Variants in CCNY observed in about 807,000 individuals in gnomAD.
The protein encoded by CCNY is cyclin-Y.
A neutral mutation model predicts 42.8 loss-of-function variants in CCNY; 19 were observed. The observed-to-expected ratio is 0.44, with a 90% CI of 0.31 to 0.65. The LOEUF (loss-of-function observed/expected upper bound fraction) is 0.65. CCNY is among the 30% of genes least tolerant of loss of function. The pLI is 0.07. For missense variants in CCNY, 370 were observed against 437.3 expected (o/e 0.85, Z 1.37); for synonymous variants, 165 against 162.7 (o/e 1.01, Z -0.11).
chr10:35,334,360 A>C (rs1055194579), upstream of CCNY, among the ~76,000 whole-genome samples: 3 of 152,228 alleles, frequency 2.0e-5, no homozygotes, highest in African/African-American at 7.2e-5. Context: ...TGACTTTCAT[A>C]TGTGGCCCAA....
chr10:35,469,244 T>C (rs143342931), intron 1 of CCNY, among the ~76,000 whole-genome samples: 211 of 152,366 alleles, frequency 1.4e-3, no homozygotes, highest in Non-Finnish European at 2.0e-3. Context: ...GCCACACTTA[T>C]AGGCATTTAA....
intron 1 of CCNY, among the ~76,000 whole-genome samples, chr10:35,481,195 A>G (rs965519523): frequency 6.6e-6 from 1 of 152,188 alleles, no homozygotes; most frequent in Non-Finnish European, 1.5e-5. Context: ...AGATGGTATG[A>G]TAGCATTTCA....
chr10:35,432,561 T>C (rs1838436284), intron 1 of CCNY, among the ~76,000 whole-genome samples: 1 of 152,230 alleles, frequency 6.6e-6, no homozygotes, highest in South Asian at 2.1e-4. Flanking sequence ...TTTTGTAATA[T>C]TTAAGTACTT....
intron 3 of CCNY, 164 bp downstream of exon 3, chr10:35,501,699 C>T: frequency 1.6e-6 from 1 of 634,334 alleles, no homozygotes; most frequent in Non-Finnish European, 2.8e-6. Context: ...ACAAGCATCA[C>T]TCAGTATTTG....
At chr10:35,463,429 A>G (rs946697230) in intron 1 of CCNY, among the ~76,000 whole-genome samples, 1 of 152,234 alleles carries the variant, frequency 6.6e-6, no homozygotes, top group African/African-American at 2.4e-5. Context: ...GTATATGCAT[A>G]TATGTATATA....
chr10:35,279,165 G>A (rs536991600), intron 3 of CCNY, among the ~76,000 whole-genome samples: 1 of 148,272 alleles, frequency 6.7e-6, no homozygotes, highest in South Asian at 2.1e-4. Context: ...ACCCAGGCTG[G>A]AGTGCAGTGG....
intron 1 of CCNY, among the ~76,000 whole-genome samples, chr10:35,366,696 T>G (rs1158078404): frequency 1.3e-5 from 2 of 152,222 alleles, no homozygotes; most frequent in Admixed American, 1.3e-4. Context: ...ACTCTTTTTG[T>G]TCTACAGCAG....
chr10:35,462,311 G>A (rs906526944), intron 1 of CCNY, among the ~76,000 whole-genome samples: 1 of 152,212 alleles, frequency 6.6e-6, no homozygotes, highest in African/African-American at 2.4e-5. Context: ...ACCAGTGGCA[G>A]AAGGACCCCG....
At chr10:35,450,635 C>CT (rs1430534777) in intron 1 of CCNY, among the ~76,000 whole-genome samples, 3 of 151,458 alleles carry the variant, frequency 2.0e-5, no homozygotes, top group African/African-American at 7.3e-5. Context: ...GGAGCTACAT[C>CT]TTTATTTCTG....
chr10:35,440,662 T>G (rs1838646685), intron 1 of CCNY, among the ~76,000 whole-genome samples: 1 of 152,126 alleles, frequency 6.6e-6, no homozygotes, highest in South Asian at 2.1e-4. Flanking sequence ...TGATCACCTG[T>G]GGGAGAGAAC....
At chr10:35,354,184 C>CT (rs549476804) in intron 1 of CCNY, among the ~76,000 whole-genome samples, 2,344 of 131,464 alleles carry the variant, frequency 0.018, 37 homozygotes, top group African/African-American at 0.041. Context: ...CATACATAGT[C>CT]TTTTTTTTTT....
intron 3 of CCNY, among the ~76,000 whole-genome samples, chr10:35,257,791 G>T (rs2095716696): frequency 1.3e-5 from 2 of 152,070 alleles, no homozygotes; most frequent in Admixed American, 1.3e-4. Context: ...TCAAGTTTGG[G>T]ATGTTTTCAG....
At chr10:35,541,001 T>C (rs1840988779) in intron 7 of CCNY, among the ~76,000 whole-genome samples, 1 of 152,194 alleles carries the variant, frequency 6.6e-6, no homozygotes, top group South Asian at 2.1e-4. Context: ...TTTTAGTATT[T>C]CTATTTCATT....
chr10:35,403,418 G>T (rs543370442), intron 1 of CCNY, among the ~76,000 whole-genome samples: 2 of 152,246 alleles, frequency 1.3e-5, no homozygotes, highest in African/African-American at 4.8e-5. Flanking sequence ...GGAAGTGATC[G>T]ATGAGAAGGA....
At chr10:35,382,007 A>G (rs1157974735) in intron 1 of CCNY, among the ~76,000 whole-genome samples, 1 of 152,238 alleles carries the variant, frequency 6.6e-6, no homozygotes, top group African/African-American at 2.4e-5. Context: ...AATAATAGTT[A>G]CTGATTTTTA....
At chr10:35,312,438 T>C (rs1400060818) in intron 3 of CCNY, among the ~76,000 whole-genome samples, 2 of 150,404 alleles carry the variant, frequency 1.3e-5, no homozygotes, top group African/African-American at 4.9e-5. Context: ...AACCCCTGTC[T>C]GTGCAAACTA....
At chr10:35,542,909 C>T (rs1841033487) in intron 7 of CCNY, among the ~76,000 whole-genome samples, 1 of 152,222 alleles carries the variant, frequency 6.6e-6, no homozygotes, top group Non-Finnish European at 1.5e-5. Flanking sequence ...CACTAGTTAT[C>T]TAAACTTAGT....
intron 3 of CCNY, among the ~76,000 whole-genome samples, chr10:35,301,911 G>A (rs574588237): frequency 6.6e-6 from 1 of 152,170 alleles, no homozygotes; most frequent in South Asian, 2.1e-4. Context: ...AGGATTACAG[G>A]TGTGAGTCAC....
intron 1 of CCNY, among the ~76,000 whole-genome samples, chr10:35,367,639 A>C (rs1398833524): frequency 6.6e-6 from 1 of 152,210 alleles, no homozygotes; most frequent in Admixed American, 6.5e-5. Flanking sequence ...TCCGCCATAG[A>C]AGTCACTTTG....
Sources: gnomAD v4.1 joint callset for allele counts (sites outside exome capture counted in the v4.1 genomes callset) on GRCh38, gnomAD v4.1.1 for gene constraint, MANE v1.5 for transcripts, NCBI Gene and HGNC (gene_info 2026-07-23, HGNC 2026-07-21) for gene names.